The following GRIK1 variants were observed in gnomAD, a reference collection of about 807,000 sequenced individuals.
GRIK1 encodes glutamate ionotropic receptor kainate type subunit 1.
Under a neutral mutation model 105.7 loss-of-function variants are expected in GRIK1, and 69 were observed. That is an observed-to-expected ratio of 0.65 (90% CI 0.54 to 0.80). GRIK1 has a LOEUF of 0.80. Ranked by LOEUF, GRIK1 falls within the 30% of genes least tolerant of loss-of-function variation. The pLI is 0.00. For synonymous variants in GRIK1, 438 were observed against 431.3 expected, an observed-to-expected ratio of 1.02 and a Z score of -0.19; for missense variants, 1,109 against 1,167.3, an observed-to-expected ratio of 0.95 and a Z score of 0.73.
chr21:29,798,113 T>G (rs760915227), intron 1 of GRIK1, among the ~76,000 whole-genome samples: 1 of 152,202 alleles, frequency 6.6e-6, no homozygotes, highest in Non-Finnish European at 1.5e-5. Context: ...TGGAAGAAAT[T>G]GACTTTATTT....
chr21:29,901,735 A>T (rs974561197), intron 1 of GRIK1, among the ~76,000 whole-genome samples: 1 of 152,198 alleles, frequency 6.6e-6, no homozygotes, highest in Middle Eastern at 3.2e-3. Context: ...AGCTGGTACC[A>T]TTCCTTCTGA....
intron 1 of GRIK1, among the ~76,000 whole-genome samples, chr21:29,855,740 G>C: frequency 6.6e-6 from 1 of 152,102 alleles, no homozygotes; most frequent in Non-Finnish European, 1.5e-5. Context: ...CAAGTAAGAA[G>C]GTTATGAAAC....
intron 14 of GRIK1, among the ~76,000 whole-genome samples, chr21:29,568,100 T>TA (rs900170733): frequency 6.6e-6 from 1 of 152,206 alleles, no homozygotes; most frequent in Non-Finnish European, 1.5e-5. Context: ...TGTCTAGAGT[T>TA]AAAGATTGGT....
chr21:29,737,795 A>G (rs1361780729), intron 1 of GRIK1, among the ~76,000 whole-genome samples: 3 of 152,248 alleles, frequency 2.0e-5, no homozygotes, highest in Non-Finnish European at 4.4e-5. Flanking sequence ...AAATTACTTT[A>G]GCATTGATGC....
intron 1 of GRIK1, among the ~76,000 whole-genome samples, chr21:29,804,355 C>T (rs1203040940): frequency 6.6e-6 from 1 of 152,088 alleles, no homozygotes. Context: ...CTTGAAAATG[C>T]TTGCACCAAA....
At chr21:29,622,069 C>G (rs2146434574) in intron 7 of GRIK1, among the ~76,000 whole-genome samples, 1 of 152,086 alleles carries the variant, frequency 6.6e-6, no homozygotes, top group South Asian at 2.1e-4. Context: ...GTCTCAGCCT[C>G]CTGAGTAGCT....
chr21:29,894,087 G>A lies in GRIK1; in HGVS notation c.118+45296C>T, dbSNP rs375177828. 3.3e-5 allele frequency among the ~76,000 whole-genome samples: 5 copies of A among 152,196 alleles called. No individual in the cohort carries two copies. The East Asian group carries it at 7.7e-4, about 23-fold the overall frequency. ...GAATAGTGAGAGGTAGGGCTGGGTA[G>A]TCACAAAGTGGATTGATGAAGAAGG... On this transcript the variant is annotated intron_variant, in intron 1 of 17. Coordinates refer to ENST00000327783, the MANE Select transcript of GRIK1 (RefSeq NM_001330994.2).
At chr21:29,742,585 A>G (rs1370736686) in intron 1 of GRIK1, among the ~76,000 whole-genome samples, 1 of 152,246 alleles carries the variant, frequency 6.6e-6, no homozygotes, top group Non-Finnish European at 1.5e-5. Flanking sequence ...AAGTGGTTTC[A>G]TGGATGAATT....
chr21:29,738,836 A>T (rs2064857746), intron 1 of GRIK1, among the ~76,000 whole-genome samples: 1 of 152,226 alleles, frequency 6.6e-6, no homozygotes, highest in African/African-American at 2.4e-5. Flanking sequence ...CATTTACTAA[A>T]ATATCTTCAG....
At chr21:29,552,495 A>AT (rs1446013821) in intron 16 of GRIK1, among the ~76,000 whole-genome samples, 2 of 152,042 alleles carry the variant, frequency 1.3e-5, no homozygotes, top group African/African-American at 2.4e-5. Context: ...TCTTTCCTTT[A>AT]TTTTTTCCTT....
intron 1 of GRIK1, among the ~76,000 whole-genome samples, chr21:29,814,609 G>A (rs1051668423): frequency 2.0e-5 from 3 of 152,060 alleles, no homozygotes; most frequent in Admixed American, 6.6e-5. Context: ...TGCCTCTCTC[G>A]ATAACGATTC....
chr21:29,698,207 A>G (rs1160743725), intron 1 of GRIK1, among the ~76,000 whole-genome samples: 1 of 152,074 alleles, frequency 6.6e-6, no homozygotes, highest in East Asian at 1.9e-4. Context: ...TTGAGATGAG[A>G]AATCCCTACC....
At chr21:29,700,410 G>C (rs141203869) in intron 1 of GRIK1, among the ~76,000 whole-genome samples, 282 of 152,298 alleles carry the variant, frequency 1.9e-3, no homozygotes, top group African/African-American at 6.7e-3. Flanking sequence ...TGTAGGCAAA[G>C]GGTAACACTT....
At position 29,561,831 on chromosome 21, in the gene GRIK1, A is replaced by G. The variant is rs767780668; in HGVS notation, c.2149T>C (p.Tyr717His). Residue 717 changes from tyrosine to histidine, a missense_variant, in exon 15 of 18, where the codon TAT (tyrosine) becomes CAT (histidine). Physicochemically the swap from Tyr to His is moderately conservative, Grantham distance 83 (BLOSUM62 2). Around this residue, in one of 5 missense-constraint regions of GRIK1, gnomAD observed 264 missense variants for 306.9 expected, o/e 0.86. Transcript: ENST00000327783. ...TFFKKSKIST[Y>H]EKMWAFMSSR... ...CTCATGAAAGCCCACATCTTCTCATAGGTGGAGATTTTTGATTTCTGGAGG... is the reference window on the plus strand; with the variant it reads ...CTCATGAAAGCCCACATCTTCTCATGGGTGGAGATTTTTGATTTCTGGAGG... 2 of 1,612,704 alleles carry G rather than the reference A, an allele frequency of 1.2e-6. No homozygotes were observed. Among genetic ancestry groups the G allele is most frequent in the Admixed American group, 1.7e-5 (1 of 59,994 alleles).
chr21:29,627,396 G>T (rs1273571871), intron 7 of GRIK1, among the ~76,000 whole-genome samples: 1 of 152,178 alleles, frequency 6.6e-6, no homozygotes, highest in Non-Finnish European at 1.5e-5. Flanking sequence ...TAGAGGGAAG[G>T]TACCAAGACC....
At chr21:29,729,132 T>C (rs2064546165) in intron 1 of GRIK1, among the ~76,000 whole-genome samples, 1 of 152,160 alleles carries the variant, frequency 6.6e-6, no homozygotes, top group East Asian at 1.9e-4. Flanking sequence ...CTTCCTTGAC[T>C]CATAATGTGT....
At chr21:29,877,643 T>G (rs993490) in intron 1 of GRIK1, among the ~76,000 whole-genome samples, 10,421 of 152,220 alleles carry the variant, frequency 0.068, 914 homozygotes, top group African/African-American at 0.2. Flanking sequence ...TAACCCCTAT[T>G]ATTCTTTTAT....
chr21:29,931,032 A>G (rs929846519), intron 1 of GRIK1, among the ~76,000 whole-genome samples: 3 of 152,324 alleles, frequency 2.0e-5, no homozygotes, highest in Non-Finnish European at 2.9e-5. Context: ...GTTTACAGAA[A>G]AACTGAGAAT....
chr21:29,707,115 C>T (rs552513635), intron 1 of GRIK1, among the ~76,000 whole-genome samples: 1 of 152,204 alleles, frequency 6.6e-6, no homozygotes, highest in Admixed American at 6.5e-5. Flanking sequence ...CCGCCCTCCT[C>T]GGCCTCCCGA....
Sources: allele counts gnomAD v4.1 joint callset (sites outside exome capture counted in the v4.1 genomes callset), GRCh38; gene constraint gnomAD v4.1.1; regional missense constraint gnomAD v4.1.1; transcripts MANE v1.5; gene names NCBI Gene and HGNC (gene_info 2026-07-23, HGNC 2026-07-21).